Variants in KIF1B observed in about 807,000 individuals in gnomAD.
The protein encoded by KIF1B is kinesin-like protein KIF1B.
KIF1B carries 76 observed loss-of-function variants against 241.9 expected under a neutral mutation model. That is an observed-to-expected ratio of 0.31 (90% CI 0.26 to 0.38). The LOEUF (loss-of-function observed/expected upper bound fraction) is 0.38. Ranked by LOEUF, KIF1B falls within the 10% of genes least tolerant of loss-of-function variation. The pLI, the probability that KIF1B is intolerant of heterozygous loss-of-function variation, is 1.00. For missense variants in KIF1B, 1,622 were observed against 2,271.4 expected (o/e 0.71, Z 5.81); for synonymous variants, 750 against 796.7 (o/e 0.94, Z 0.99).
At chr1:10,306,756 TTAAAAAAAA>T in intron 22 of KIF1B, 5 of 525,644 alleles carry the variant, frequency 9.5e-6, no homozygotes, top group Non-Finnish European at 9.2e-6. Context: ...GAACCTGTCT[TTAAAAAAAA>T]AAAAAAAAAA....
At chr1:10,290,984 T>C in intron 15 of KIF1B, 98 bp from the exon 16 acceptor site, 2 of 866,788 alleles carry the variant, frequency 2.3e-6, no homozygotes, top group Non-Finnish European at 3.9e-6. Context: ...AATTCTGGCC[T>C]GTATCCTCAA....
chr1:10,249,218 A>G (rs748739822), intron 2 of KIF1B, among the ~76,000 whole-genome samples: 2 of 152,152 alleles, frequency 1.3e-5, no homozygotes, highest in Non-Finnish European at 2.9e-5. Context: ...TTTTATGTGC[A>G]TGGTTTCTGT....
chr1:10,307,201 G>T, intron 22 of KIF1B: 1 of 1,029,376 alleles, frequency 9.7e-7, no homozygotes, highest in Non-Finnish European at 1.2e-6. Context: ...GCTTATCCTA[G>T]AGAATAACTC....
At chr1:10,297,850 G>A (rs1411981270) in intron 22 of KIF1B, among the ~76,000 whole-genome samples, 2 of 152,152 alleles carry the variant, frequency 1.3e-5, no homozygotes, top group African/African-American at 4.8e-5. Context: ...TGCATACCCA[G>A]CCCGGACAGG....
At chr1:10,252,505 G>C (rs1647516302) in intron 2 of KIF1B, among the ~76,000 whole-genome samples, 1 of 151,732 alleles carries the variant, frequency 6.6e-6, no homozygotes, top group Admixed American at 6.6e-5. Flanking sequence ...GGACCTCCCT[G>C]GGCTCAGGTG....
intron 43 of KIF1B, among the ~76,000 whole-genome samples, chr1:10,366,880 A>G (rs1403940121): frequency 6.6e-6 from 1 of 151,680 alleles, no homozygotes; most frequent in East Asian, 2.0e-4. Flanking sequence ...CTGAGGCAGG[A>G]GAATCGCTTG....
In KIF1B at chr1:10,333,569, A is replaced by G. The variant is rs540215591; in HGVS notation, c.2925-951A>G. On this transcript the variant is annotated intron_variant, in intron 27 of 48. Transcript: ENST00000676179. ...TAGCTGGGCATGGTGGCGGGCGCCG[A>G]TAGTCCCAGGTACTCGGGAGGCTGA... Among the ~76,000 whole-genome samples the G allele has an allele frequency of 8.0e-3, 1,210 of 151,536 alleles. 15 individuals are homozygous for G. Among genetic ancestry groups the G allele is most frequent in the African/African-American group, 0.027 (1,118 of 41,296 alleles).
intron 32 of KIF1B, among the ~76,000 whole-genome samples, chr1:10,341,848 G>T (rs1652404093): frequency 6.6e-6 from 1 of 151,884 alleles, no homozygotes; most frequent in Non-Finnish European, 1.5e-5. Flanking sequence ...GTGCATGTCT[G>T]TAGTCCTAGC....
chr1:10,282,549 G>C lies in KIF1B; in HGVS notation c.1434+16G>C, dbSNP rs375339342. ...ACGTTTAAAGGTAAGTAATAGTTCA[G>C]ACTGAATACAAGGTATTCTATGTAG... On this transcript the variant is annotated intron_variant, in intron 15 of 48. Coordinates refer to ENST00000676179, the MANE Select transcript of KIF1B (RefSeq NM_001365951.3). The C allele has an allele frequency of 6.3e-7, 1 of 1,593,596 alleles. No homozygotes were observed. Among genetic ancestry groups the C allele is most frequent in the Middle Eastern group, 1.7e-4 (1 of 5,946 alleles).
intron 2 of KIF1B, among the ~76,000 whole-genome samples, chr1:10,243,098 TGAG>T (rs2102152949): frequency 6.6e-6 from 1 of 152,218 alleles, no homozygotes; most frequent in African/African-American, 2.4e-5. Context: ...TGAATAAACT[TGAG>T]GAGGCAAAAT....
At chr1:10,362,996 C>T (rs1414676129) in intron 40 of KIF1B, among the ~76,000 whole-genome samples, 1 of 151,824 alleles carries the variant, frequency 6.6e-6, no homozygotes, top group Non-Finnish European at 1.5e-5. Flanking sequence ...CACATTAGTC[C>T]AGGAGTTCGA....
intron 44 of KIF1B, among the ~76,000 whole-genome samples, chr1:10,370,869 A>G (rs1026821180): frequency 6.6e-5 from 10 of 152,094 alleles, no homozygotes; most frequent in Non-Finnish European, 1.3e-4. Context: ...GCCAGGGCAC[A>G]GGAGGATCGC....
intron 13 of KIF1B, chr1:10,278,825 T>C (rs1649254861): frequency 5.0e-6 from 2 of 403,846 alleles, no homozygotes; most frequent in Non-Finnish European, 8.9e-6. Context: ...TGGTAGAATA[T>C]GGGTTAGTTT....
intron 1 of KIF1B, among the ~76,000 whole-genome samples, chr1:10,227,562 G>T (rs1646926141): frequency 6.6e-6 from 1 of 152,072 alleles, no homozygotes; most frequent in African/African-American, 2.4e-5. Flanking sequence ...ATTTTAAGGG[G>T]AGTGGGGCAA....
In KIF1B at chr1:10,241,441, A is replaced by T. The variant is rs527775903; in HGVS notation, c.106+9007A>T. Among the ~76,000 whole-genome samples, 7 of 152,286 alleles carry T rather than the reference A, an allele frequency of 4.6e-5. No homozygotes were observed. The East Asian group carries it at 1.3e-3, about 29-fold the overall frequency. On this transcript the variant is annotated intron_variant, in intron 2 of 48. Coordinates refer to ENST00000676179, the MANE Select transcript of KIF1B (RefSeq NM_001365951.3). ...TAGTGTCTAAATTTTCAGTGGGAATATAAGTTTAAAGGCAGAAATAACTGA... is the reference window on the plus strand; with the variant it reads ...TAGTGTCTAAATTTTCAGTGGGAATTTAAGTTTAAAGGCAGAAATAACTGA...
At chr1:10,328,950 A>C (rs1277390688) in intron 27 of KIF1B, among the ~76,000 whole-genome samples, 1 of 152,278 alleles carries the variant, frequency 6.6e-6, no homozygotes, top group Non-Finnish European at 1.5e-5. Context: ...ACTTCTACTA[A>C]GAAGCATTTG....
rs200614254 is a variant in KIF1B at position 10,334,638 on chromosome 1, G to A, written c.3043G>A (p.Ala1015Thr). ...FLRVAVQAIA[A>T]DEEAPDYGSG... ...GCGTGTGGCTGTACAGGCCATCGCAGGTAGGTGACCCTCTTCTGAAATGAG... is the reference window on the plus strand; with the variant it reads ...GCGTGTGGCTGTACAGGCCATCGCAAGTAGGTGACCCTCTTCTGAAATGAG... Residue 1015 changes from alanine to threonine, a missense_variant and splice_region_variant, in exon 28 of 49, where the codon GCG becomes ACG. Physicochemically the swap from Ala to Thr is moderately conservative, Grantham distance 58. Transcript: ENST00000676179. 1.7e-5 allele frequency: 28 copies of A among 1,609,604 alleles called. No homozygotes were observed. Among genetic ancestry groups the A allele is most frequent in the African/African-American group, 2.7e-5 (2 of 74,838 alleles).
rs541929125 is a variant in KIF1B at position 10,216,558 on chromosome 1, G to A, written c.-80+5680G>A. Among the ~76,000 whole-genome samples, 3 of 152,260 alleles carry A rather than the reference G, an allele frequency of 2.0e-5. No individual in the cohort carries two copies. In the East Asian group the frequency reaches 5.8e-4, roughly 29 times the overall value. Reference sequence around the variant, plus strand: ...CTCCATTCTTACTCCGTGTCATGGAGAAACCTGCATAGTGCTGGGGATTAG... The same window carrying A: ...CTCCATTCTTACTCCGTGTCATGGAAAAACCTGCATAGTGCTGGGGATTAG... On this transcript the variant is annotated intron_variant, in intron 1 of 48. Transcript: ENST00000676179.
chr1:10,249,709 T>A (rs1647333649), intron 2 of KIF1B, among the ~76,000 whole-genome samples: 1 of 152,114 alleles, frequency 6.6e-6, no homozygotes, highest in Non-Finnish European at 1.5e-5. Flanking sequence ...CGAGACCAGC[T>A]GGAGCAACCT....
Sources: allele counts gnomAD v4.1 joint callset (sites outside exome capture counted in the v4.1 genomes callset), GRCh38; gene constraint gnomAD v4.1.1; transcripts MANE v1.5; gene names NCBI Gene and HGNC (gene_info 2026-07-23, HGNC 2026-07-21).